Variants in CLYBL observed in about 807,000 individuals in gnomAD.
CLYBL encodes citramalyl-CoA lyase, mitochondrial.
Under a neutral mutation model 38.9 loss-of-function variants are expected in CLYBL, and 31 were observed. The observed-to-expected ratio is 0.80, with a 90% CI of 0.60 to 1.08. CLYBL has a LOEUF of 1.08. CLYBL is among the 50% of genes least tolerant of loss of function. The pLI is 0.00. For synonymous variants in CLYBL, 171 were observed against 158.6 expected (o/e 1.08, Z -0.59); for missense variants, 434 against 411.6 (o/e 1.05, Z -0.47).
chr13:99,824,257 G>GCCCCCCCCCCCCCCC (rs57450534), intron 2 of CLYBL, among the ~76,000 whole-genome samples: 108 of 130,438 alleles, frequency 8.3e-4, no homozygotes, highest in Middle Eastern at 3.8e-3. Context: ...CTGACTAATA[G>GCCCCCCCCCCCCCCC]CCCCCCCCAC....
At chr13:99,676,091 G>C (rs544693751) in intron 1 of CLYBL, among the ~76,000 whole-genome samples, 2 of 151,964 alleles carry the variant, frequency 1.3e-5, no homozygotes, top group African/African-American at 4.8e-5. Flanking sequence ...CCTACCCTCA[G>C]GTGATCTGCC....
Position 99,658,559 on chromosome 13 carries a change from G to T in CLYBL, c.62+51802G>T, listed in dbSNP as rs115394854. 6.9e-3 allele frequency among the ~76,000 whole-genome samples: 1,052 copies of T among 152,278 alleles called. 10 individuals are homozygous for T. Among genetic ancestry groups the T allele is most frequent in the African/African-American group, 0.021 (869 of 41,544 alleles). On this transcript the variant is annotated intron_variant, in intron 1 of 8. Coordinates refer to ENST00000339105, the MANE Select transcript of CLYBL (RefSeq NM_206808.5). ...TCAACTCTCTGCGCTTTGAAACCGC[G>T]GAGTTGGGGTAGCTAGGCCCTCCAG...
At chr13:99,750,735 TA>T (rs11375965) in intron 1 of CLYBL, among the ~76,000 whole-genome samples, 34 of 149,884 alleles carry the variant, frequency 2.3e-4, no homozygotes, top group African/African-American at 5.9e-4. Context: ...CCTCTTTTTT[TA>T]AAAAAAAAAT....
intron 2 of CLYBL, among the ~76,000 whole-genome samples, chr13:99,833,401 C>T (rs1242329897): frequency 6.6e-6 from 1 of 151,910 alleles, no homozygotes; most frequent in Non-Finnish European, 1.5e-5. Flanking sequence ...ATTAAATAAG[C>T]CCTAAATGTT....
chr13:99,630,424 CA>C (rs936721828), intron 1 of CLYBL, among the ~76,000 whole-genome samples: 2 of 152,126 alleles, frequency 1.3e-5, no homozygotes, highest in Admixed American at 1.3e-4. Context: ...CCCTGAAAAA[CA>C]TGACTATTTA....
At chr13:99,636,199 T>G (rs965917445) in intron 1 of CLYBL, among the ~76,000 whole-genome samples, 19 of 152,184 alleles carry the variant, frequency 1.2e-4, no homozygotes, top group African/African-American at 4.6e-4. Flanking sequence ...AACAATTTTA[T>G]CTCCCCAAGC....
chr13:99,669,538 A>C (rs2047534153), intron 1 of CLYBL, among the ~76,000 whole-genome samples: 1 of 152,240 alleles, frequency 6.6e-6, no homozygotes, highest in South Asian at 2.1e-4. Context: ...TTTCCCAAAT[A>C]GGAAATGGAG....
chr13:99,793,021 A>T (rs2049949062), intron 2 of CLYBL, among the ~76,000 whole-genome samples: 1 of 134,404 alleles, frequency 7.4e-6, no homozygotes, highest in Non-Finnish European at 1.5e-5. Context: ...TCTTGTGCAC[A>T]TGTGCATACA....
intron 1 of CLYBL, among the ~76,000 whole-genome samples, chr13:99,673,140 A>G (rs904342145): frequency 3.3e-5 from 5 of 152,170 alleles, no homozygotes; most frequent in South Asian, 2.1e-4. Flanking sequence ...GGGGCCAGGC[A>G]TGGTAGCTTA....
intron 1 of CLYBL, among the ~76,000 whole-genome samples, chr13:99,697,050 C>T (rs2047990791): frequency 6.6e-6 from 1 of 152,166 alleles, no homozygotes; most frequent in Non-Finnish European, 1.5e-5. Context: ...TGCCCTTATG[C>T]ATTTGGCCAA....
At chr13:99,685,649 C>T (rs1481160234) in intron 1 of CLYBL, among the ~76,000 whole-genome samples, 1 of 152,124 alleles carries the variant, frequency 6.6e-6, no homozygotes, top group Non-Finnish European at 1.5e-5. Context: ...TTAAGGTTTG[C>T]TGAGTCCTTC....
chr13:99,679,061 G>A (rs565910958), intron 1 of CLYBL, among the ~76,000 whole-genome samples: 8 of 152,220 alleles, frequency 5.3e-5, no homozygotes, highest in African/African-American at 1.9e-4. Flanking sequence ...TTGGGAGGCC[G>A]AGGCGGGCAG....
intron 1 of CLYBL, among the ~76,000 whole-genome samples, chr13:99,737,767 C>G (rs573098480): frequency 1.3e-5 from 2 of 152,290 alleles, no homozygotes; most frequent in South Asian, 4.1e-4. Context: ...TGGAGTCATC[C>G]CAACAGAGAT....
intron 1 of CLYBL, among the ~76,000 whole-genome samples, chr13:99,614,533 GGCCCGAATTGGGAGCTACACCT>G (rs2046678047): frequency 6.6e-6 from 1 of 152,028 alleles, no homozygotes; most frequent in Admixed American, 6.6e-5. Flanking sequence ...GTGGTGGCTG[GGCCCGAATTGGGAGCTACACCT>G]GCCCGGGCAG....
intron 1 of CLYBL, among the ~76,000 whole-genome samples, chr13:99,671,744 T>G (rs578241548): frequency 3.6e-4 from 54 of 150,260 alleles, no homozygotes; most frequent in Admixed American, 1.6e-3. Context: ...CACGCCACTG[T>G]ACTCCAGCTT....
At chr13:99,876,547 C>T (rs865999562) in intron 7 of CLYBL, among the ~76,000 whole-genome samples, 1 of 151,248 alleles carries the variant, frequency 6.6e-6, no homozygotes, top group Non-Finnish European at 1.5e-5. Context: ...ATTCTTTATC[C>T]AGGTTCATAT....
intron 2 of CLYBL, among the ~76,000 whole-genome samples, chr13:99,786,378 C>T (rs2049795448): frequency 6.6e-6 from 1 of 152,088 alleles, no homozygotes; most frequent in African/African-American, 2.4e-5. Flanking sequence ...CACAACAGAC[C>T]CTGGTGTGTG....
At chr13:99,839,243 G>A (rs2051010485) in intron 2 of CLYBL, among the ~76,000 whole-genome samples, 1 of 152,220 alleles carries the variant, frequency 6.6e-6, no homozygotes, top group Non-Finnish European at 1.5e-5. Context: ...ACTCAAGAGG[G>A]CAGAGGATGT....
At chr13:99,648,426 T>C (rs1328010030) in intron 1 of CLYBL, among the ~76,000 whole-genome samples, 1 of 152,242 alleles carries the variant, frequency 6.6e-6, no homozygotes, top group East Asian at 1.9e-4. Context: ...CCGAAATAAA[T>C]AGTCCATTGT....
Sources: gnomAD v4.1 joint callset for allele counts (sites outside exome capture counted in the v4.1 genomes callset) on GRCh38, gnomAD v4.1.1 for gene constraint, MANE v1.5 for transcripts, NCBI Gene and HGNC (gene_info 2026-07-23, HGNC 2026-07-21) for gene names.